PTP4A1: variants seen among roughly 807,000 people sequenced by gnomAD.
The protein encoded by PTP4A1 is protein tyrosine phosphatase 4A1, also known as protein tyrosine phosphatase type IVA 1.
In PTP4A1, 9 loss-of-function variants were observed where a neutral mutation model predicts 20.5. The observed-to-expected ratio is 0.44, with a 90% CI of 0.26 to 0.77. PTP4A1 has a LOEUF of 0.77. PTP4A1 is among the 30% of genes least tolerant of loss of function. PTP4A1 has a pLI of 0.19. For missense variants in PTP4A1, 137 were observed against 218.8 expected (o/e 0.63, Z 2.36); for synonymous variants, 78 against 67.4 (o/e 1.16, Z -0.77).
exon 3 of PTP4A1, chr6:63,550,340 T>C (rs1213739674): frequency 6.6e-6 from 1 of 151,720 alleles, no homozygotes; most frequent in Non-Finnish European, 1.5e-5. Context: ...ATAAAAGGAG[T>C]TGTGAGAGGC....
At chr6:63,528,367 G>A (rs1034044145) in intron 2 of PTP4A1, among the ~76,000 whole-genome samples, 2 of 152,070 alleles carry the variant, frequency 1.3e-5, no homozygotes, top group African/African-American at 4.8e-5. Context: ...AGGCTGAGGT[G>A]GGAGAATCGC....
intron 1 of PTP4A1, among the ~76,000 whole-genome samples, chr6:63,575,789 C>T (rs949361926): frequency 6.6e-6 from 1 of 151,884 alleles, no homozygotes; most frequent in Non-Finnish European, 1.5e-5. Context: ...GACTCATTTT[C>T]CTCGTCTTCA....
intron 2 of PTP4A1, among the ~76,000 whole-genome samples, chr6:63,536,555 C>A (rs1290865880): frequency 1.3e-5 from 2 of 152,060 alleles, no homozygotes; most frequent in African/African-American, 4.8e-5. Context: ...AACAAATCAC[C>A]ACTTATATTT....
intron 2 of PTP4A1, among the ~76,000 whole-genome samples, chr6:63,578,081 TTGTC>T (rs1424705015): frequency 1.3e-5 from 2 of 152,144 alleles, no homozygotes; most frequent in African/African-American, 4.8e-5. Context: ...ACATTTACCT[TTGTC>T]TGCATTGCTG....
chr6:63,549,250 G>C (rs1027076372), intron 2 of PTP4A1: 1 of 746,006 alleles, frequency 1.3e-6, no homozygotes, highest in Middle Eastern at 3.2e-4. Context: ...TGGTGGTCCA[G>C]GGCCTGGGTG....
upstream of PTP4A1, among the ~76,000 whole-genome samples, chr6:63,568,999 G>A (rs1485478511): frequency 6.6e-6 from 1 of 151,918 alleles, no homozygotes; most frequent in African/African-American, 2.4e-5. Flanking sequence ...ATATTGTCAC[G>A]TTTAATCTAT....
In PTP4A1 at chr6:63,565,512, TTGA is replaced by T. The variant is rs562754733; in HGVS notation, c.-445-10922_-445-10920del. 5.7e-4 allele frequency among the ~76,000 whole-genome samples: 87 copies of T among 152,338 alleles called. No homozygotes were observed. The South Asian group carries it at 0.013, about 22-fold the overall frequency. On this transcript the variant is annotated intron_variant, in intron 3 of 3. Coordinates refer to the PTP4A1 transcript ENST00000639568. Reference sequence around the variant, plus strand: ...CAGAGAAAATATTACCTCAAATGGTTTGATATGATGACTTGATAAGATGTTACT... The same window carrying T: ...CAGAGAAAATATTACCTCAAATGGTTTATGATGACTTGATAAGATGTTACT...
chr6:63,568,374 G>C (rs1232227154), upstream of PTP4A1, among the ~76,000 whole-genome samples: 1 of 152,180 alleles, frequency 6.6e-6, no homozygotes, highest in African/African-American at 2.4e-5. Context: ...GTCTCACTGA[G>C]GGACTGGCCC....
intron 1 of PTP4A1, 114 bp from the exon 2 acceptor site, chr6:63,576,322 T>C: frequency 2.6e-6 from 1 of 391,662 alleles, no homozygotes; most frequent in Non-Finnish European, 4.5e-6. Flanking sequence ...ATGAAGCGGC[T>C]CAGGCCCTGC....
Position 63,583,303 on chromosome 6 carries a change from T to C in PTP4A1, c.*3129T>C, listed in dbSNP as rs1172757542. On this transcript the variant is annotated 3_prime_UTR_variant, in exon 6 of 6. Coordinates refer to ENST00000626021, the MANE Select transcript of PTP4A1 (RefSeq NM_003463.5). ...CATGTTAATATTCTACATTCTTGCT[T>C]CCTTAAATTAATATGTTTGTGTGTA... The C allele has an allele frequency of 6.6e-6, 1 of 152,224 alleles. No individual in the cohort carries two copies. The highest frequency in any genetic ancestry group is 1.5e-5 in the Non-Finnish European group (1 of 68,050). 9.4% of individuals were successfully genotyped at this position (152,224 alleles called of 1,614,324 possible). A position where few individuals can be genotyped will look rare whatever the true frequency, so the allele number is the denominator to read the frequency against.
At chr6:63,549,295 T>A (rs550296722) in intron 2 of PTP4A1, 2 of 754,264 alleles carry the variant, frequency 2.7e-6, no homozygotes, top group South Asian at 2.7e-5. Context: ...TTCAGCCACT[T>A]ACAGAGGATG....
At chr6:63,546,882 T>C (rs1776207713) in intron 2 of PTP4A1, among the ~76,000 whole-genome samples, 1 of 152,254 alleles carries the variant, frequency 6.6e-6, no homozygotes, top group African/African-American at 2.4e-5. Flanking sequence ...ATATGTTAAA[T>C]AGCTTTATGT....
intron 1 of PTP4A1, among the ~76,000 whole-genome samples, chr6:63,575,792 C>T (rs917796966): frequency 1.3e-5 from 2 of 151,958 alleles, no homozygotes; most frequent in Middle Eastern, 3.2e-3. Context: ...TCATTTTCCT[C>T]GTCTTCAGTT....
chr6:63,559,777 A>G (rs946331469), intron 3 of PTP4A1, among the ~76,000 whole-genome samples: 2 of 152,058 alleles, frequency 1.3e-5, no homozygotes, highest in African/African-American at 4.8e-5. Flanking sequence ...TTTCACAGCC[A>G]GGCATGGTCG....
intron 2 of PTP4A1, among the ~76,000 whole-genome samples, chr6:63,531,318 G>A (rs145923645): frequency 4.1e-4 from 63 of 152,200 alleles, no homozygotes; most frequent in African/African-American, 1.4e-3. Flanking sequence ...GATTTGTGAG[G>A]CCTGTAACAT....
intron 3 of PTP4A1, among the ~76,000 whole-genome samples, chr6:63,560,203 T>A (rs113219475): frequency 1.3e-5 from 2 of 151,534 alleles, no homozygotes; most frequent in African/African-American, 4.8e-5. Context: ...CGGGATGTGG[T>A]GGCAAGCGCC....
At chr6:63,522,302 G>A (rs186805247) in intron 1 of PTP4A1, among the ~76,000 whole-genome samples, 8 of 152,282 alleles carry the variant, frequency 5.3e-5, no homozygotes, top group Middle Eastern at 3.4e-3. Flanking sequence ...TAGTTATAAA[G>A]ATAAGATGTC....
At chr6:63,564,371 C>T (rs1777097203) in intron 3 of PTP4A1, among the ~76,000 whole-genome samples, 1 of 151,926 alleles carries the variant, frequency 6.6e-6, no homozygotes, top group South Asian at 2.1e-4. Context: ...TATAGAAATA[C>T]ACGAAGATAG....
chr6:63,577,195 G>A (rs1347211460), intron 2 of PTP4A1, among the ~76,000 whole-genome samples: 2 of 152,170 alleles, frequency 1.3e-5, no homozygotes, highest in Admixed American at 1.3e-4. Context: ...TATTGTACCT[G>A]AGTTTGCTTG....
Sources: allele counts gnomAD v4.1 joint callset (sites outside exome capture counted in the v4.1 genomes callset), GRCh38; gene constraint gnomAD v4.1.1; transcripts MANE v1.5; gene names NCBI Gene and HGNC (gene_info 2026-07-23, HGNC 2026-07-21).